Variants in NSMCE2 observed in about 807,000 individuals in gnomAD.
NSMCE2 encodes the protein E3 SUMO-protein ligase NSE2.
In NSMCE2, 24 loss-of-function variants were observed where a neutral mutation model predicts 23.8. That is an observed-to-expected ratio of 1.01 (90% CI 0.73 to 1.42). The LOEUF (loss-of-function observed/expected upper bound fraction) is 1.42, where lower values mean the gene tolerates loss of function less well. Among genes scored for constraint, NSMCE2 ranks in the 40% most tolerant of loss-of-function variants. The pLI, the probability that NSMCE2 is intolerant of heterozygous loss-of-function variation, is 0.00. For missense variants in NSMCE2, 284 were observed against 296.5 expected, an observed-to-expected ratio of 0.96 and a Z score of 0.31; for synonymous variants, 92 against 94.1, an observed-to-expected ratio of 0.98 and a Z score of 0.13.
intron 4 of NSMCE2, among the ~76,000 whole-genome samples, chr8:125,180,178 G>C (rs969074474): frequency 1.3e-5 from 2 of 152,106 alleles, no homozygotes; most frequent in Admixed American, 1.3e-4. Flanking sequence ...GTGTATAATA[G>C]CTCTTATTCT....
chr8:125,196,662 A>G (rs1211832819), intron 5 of NSMCE2, among the ~76,000 whole-genome samples: 1 of 152,176 alleles, frequency 6.6e-6, no homozygotes. Context: ...CAGTAAACAT[A>G]TGTGTGCATG....
At chr8:125,164,400 G>A (rs1160629260) in intron 4 of NSMCE2, among the ~76,000 whole-genome samples, 1 of 152,194 alleles carries the variant, frequency 6.6e-6, no homozygotes, top group Non-Finnish European at 1.5e-5. Flanking sequence ...TTCACTTTGA[G>A]TTGTAGTTTT....
At chr8:125,156,108 C>A in intron 4 of NSMCE2, 1 of 321,906 alleles carries the variant, frequency 3.1e-6, no homozygotes, top group Non-Finnish European at 6.0e-6. Context: ...AGTAAGACTC[C>A]ATCTCTTTAA....
intron 3 of NSMCE2, chr8:125,124,002 A>G (rs994728807): frequency 1.3e-5 from 2 of 152,194 alleles, no homozygotes; most frequent in African/African-American, 2.4e-5. Flanking sequence ...GAACATTTTC[A>G]TCACTTCAAA....
intron 5 of NSMCE2, among the ~76,000 whole-genome samples, chr8:125,227,261 A>C (rs1825135751): frequency 6.6e-6 from 1 of 152,076 alleles, no homozygotes; most frequent in South Asian, 2.1e-4. Context: ...GATTTTATGA[A>C]TGGTAGCTCG....
intron 5 of NSMCE2, among the ~76,000 whole-genome samples, chr8:125,218,235 C>T (rs1287299118): frequency 6.6e-6 from 1 of 152,100 alleles, no homozygotes; most frequent in Non-Finnish European, 1.5e-5. Context: ...TACTAACCAC[C>T]ATGTCTACTG....
chr8:125,123,674 T>A (rs1819374354), intron 3 of NSMCE2, among the ~76,000 whole-genome samples: 1 of 152,226 alleles, frequency 6.6e-6, no homozygotes, highest in Non-Finnish European at 1.5e-5. Context: ...TTTGCCGTTA[T>A]ATGTAGAGCT....
chr8:125,357,379 G>T lies in NSMCE2; in HGVS notation c.519+60G>T, dbSNP rs1446839850. 6 of 1,159,706 alleles carry T rather than the reference G, an allele frequency of 5.2e-6. No individual in the cohort carries two copies. In the African/African-American group the frequency reaches 6.1e-5, roughly 12 times the overall value. The allele number at this position is 1,159,706 out of a possible 1,614,324, so 71.8% of individuals were successfully genotyped here. ...CGATTCACTTCACAGAGGCAGAAAG[G>T]TTCCTGTTTGCTTTCTGGTTTGATT... On this transcript the variant is annotated intron_variant, in intron 6 of 7. Transcript: ENST00000287437.
intron 5 of NSMCE2, among the ~76,000 whole-genome samples, chr8:125,240,206 C>A (rs960540711): frequency 6.6e-6 from 1 of 151,424 alleles, no homozygotes; most frequent in African/African-American, 2.4e-5. Context: ...CTCACTTCAA[C>A]CTCCTCCTCC....
At chr8:125,210,298 A>G (rs1200036416) in intron 5 of NSMCE2, among the ~76,000 whole-genome samples, 1 of 152,220 alleles carries the variant, frequency 6.6e-6, no homozygotes, top group Non-Finnish European at 1.5e-5. Flanking sequence ...TTATTACTAC[A>G]TCATGTAGAA....
intron 5 of NSMCE2, among the ~76,000 whole-genome samples, chr8:125,212,196 G>T (rs964808107): frequency 6.6e-6 from 1 of 152,142 alleles, no homozygotes; most frequent in Non-Finnish European, 1.5e-5. Flanking sequence ...CAGGCTCTTT[G>T]CTACCGACTT....
At chr8:125,143,113 C>A (rs1177298382) in intron 3 of NSMCE2, among the ~76,000 whole-genome samples, 2 of 152,046 alleles carry the variant, frequency 1.3e-5, no homozygotes, top group Non-Finnish European at 2.9e-5. Flanking sequence ...CACACACACA[C>A]ACACACACAG....
intron 3 of NSMCE2, among the ~76,000 whole-genome samples, chr8:125,125,471 G>T (rs750100378): frequency 2.0e-5 from 3 of 152,226 alleles, no homozygotes; most frequent in Admixed American, 6.5e-5. Context: ...CACAGAACAT[G>T]AATAAGCAAG....
chr8:125,320,243 GGGAGGGAGGGAAGGAA>G (rs1179666733), intron 5 of NSMCE2, among the ~76,000 whole-genome samples: 5 of 57,110 alleles, frequency 8.8e-5, no homozygotes, highest in African/African-American at 3.6e-4. Context: ...AAGGGAGGGA[GGGAGGGAGGGAAGGAA>G]GGAAGGAAGG....
chr8:125,140,555 C>T (rs769711405), intron 3 of NSMCE2, among the ~76,000 whole-genome samples: 18 of 151,970 alleles, frequency 1.2e-4, no homozygotes, highest in Non-Finnish European at 2.4e-4. Context: ...CCCAGCTACT[C>T]AGGAGGCTGA....
chr8:125,362,572 C>T (rs1210579207), intron 7 of NSMCE2, among the ~76,000 whole-genome samples: 1 of 152,210 alleles, frequency 6.6e-6, no homozygotes, highest in Admixed American at 6.5e-5. Context: ...TATTTCTCAG[C>T]CTTATTGGAC....
intron 5 of NSMCE2, among the ~76,000 whole-genome samples, chr8:125,343,717 C>T (rs1309118281): frequency 2.0e-5 from 3 of 152,070 alleles, no homozygotes; most frequent in Admixed American, 6.6e-5. Context: ...CAACTGCTGC[C>T]GGGCACAGTG....
chr8:125,261,690 G>T (rs1826696156), intron 5 of NSMCE2, among the ~76,000 whole-genome samples: 2 of 150,434 alleles, frequency 1.3e-5, no homozygotes, highest in Non-Finnish European at 3.0e-5. Flanking sequence ...GATTAGCTTT[G>T]AAAATAGGTC....
intron 3 of NSMCE2, among the ~76,000 whole-genome samples, chr8:125,149,213 AT>A (rs1176419707): frequency 2.0e-5 from 3 of 152,276 alleles, no homozygotes; most frequent in African/African-American, 4.8e-5. Flanking sequence ...ACATTGAGAT[AT>A]TTGTGTATTC....
Sources: gnomAD v4.1 joint callset for allele counts (sites outside exome capture counted in the v4.1 genomes callset) on GRCh38, gnomAD v4.1.1 for gene constraint, MANE v1.5 for transcripts, NCBI Gene and HGNC (gene_info 2026-07-23, HGNC 2026-07-21) for gene names.